Variants in SYT9 observed in about 807,000 individuals in gnomAD.
The protein encoded by SYT9 is synaptotagmin-9.
SYT9 carries 22 observed loss-of-function variants against 48.4 expected under a neutral mutation model. The observed-to-expected ratio is 0.45, with a 90% CI of 0.32 to 0.65. The LOEUF (loss-of-function observed/expected upper bound fraction) is 0.65, where lower values mean the gene tolerates loss of function less well. SYT9 is among the 30% of genes least tolerant of loss of function. SYT9 has a pLI of 0.03. For missense variants in SYT9, 577 were observed against 622.0 expected (o/e 0.93, Z 0.77); for synonymous variants, 265 against 245.0 (o/e 1.08, Z -0.76).
chr11:7,392,422 G>A (rs572411249), intron 3 of SYT9, among the ~76,000 whole-genome samples: 10 of 151,938 alleles, frequency 6.6e-5, no homozygotes, highest in Non-Finnish European at 1.0e-4. Flanking sequence ...TAGCTGTGTG[G>A]CTTTATTTAC....
At chr11:7,303,455 A>G (rs1037329661) in intron 2 of SYT9, 65 bp downstream of exon 2, 3 of 1,335,384 alleles carry the variant, frequency 2.2e-6, no homozygotes, top group South Asian at 2.8e-5. Flanking sequence ...TCTGGCAACA[A>G]TAGCACTGAT....
intron 1 of SYT9, among the ~76,000 whole-genome samples, chr11:7,282,972 T>C (rs1049673131): frequency 4.2e-5 from 6 of 143,322 alleles, no homozygotes; most frequent in Non-Finnish European, 7.6e-5. Flanking sequence ...GAAACAGAGA[T>C]TGAGAGAGAG....
At chr11:7,392,801 G>C (rs931321152) in intron 3 of SYT9, among the ~76,000 whole-genome samples, 1 of 152,058 alleles carries the variant, frequency 6.6e-6, no homozygotes, top group African/African-American at 2.4e-5. Flanking sequence ...AGTTCTTCTT[G>C]CAGAGATTTT....
chr11:7,372,294 A>T (rs1589979580), intron 3 of SYT9, among the ~76,000 whole-genome samples: 1 of 151,728 alleles, frequency 6.6e-6, no homozygotes, highest in East Asian at 1.9e-4. Flanking sequence ...TTTTTTGCTC[A>T]TTTCTTTTCT....
intron 3 of SYT9, among the ~76,000 whole-genome samples, chr11:7,399,390 T>A (rs1846833566): frequency 6.6e-6 from 1 of 152,212 alleles, no homozygotes; most frequent in African/African-American, 2.4e-5. Flanking sequence ...CGTGAACACA[T>A]GCCACTTAAT....
At chr11:7,290,864 G>A (rs1040509363) in intron 1 of SYT9, among the ~76,000 whole-genome samples, 2 of 152,152 alleles carry the variant, frequency 1.3e-5, no homozygotes, top group Non-Finnish European at 2.9e-5. Context: ...CAGTGGAAAC[G>A]GGTGATAGTC....
chr11:7,415,451 G>A (rs1029521243), intron 3 of SYT9, among the ~76,000 whole-genome samples: 1 of 152,152 alleles, frequency 6.6e-6, no homozygotes, highest in African/African-American at 2.4e-5. Flanking sequence ...TTGGAGGTAT[G>A]CAGGAGTACA....
In SYT9 at chr11:7,253,764, T is replaced by A. The variant is rs1029650419; in HGVS notation, c.145+1433T>A. 1.2e-4 allele frequency among the ~76,000 whole-genome samples: 18 copies of A among 152,218 alleles called. No homozygotes were observed. The East Asian group carries it at 3.5e-3, about 29-fold the overall frequency. ...ATGTGCATCTCATTGCTGGATGTGA[T>A]GTGCTGAATAAACCACAGTCCCTTA... On this transcript the variant is annotated intron_variant, in intron 1 of 6. Transcript: ENST00000318881.
chr11:7,366,263 G>A (rs1367663913), intron 3 of SYT9, among the ~76,000 whole-genome samples: 5 of 152,076 alleles, frequency 3.3e-5, no homozygotes, highest in African/African-American at 4.8e-5. Flanking sequence ...CTAACCTCCC[G>A]AATTCCCAGG....
chr11:7,459,170 C>G (rs1848200653), intron 6 of SYT9, among the ~76,000 whole-genome samples: 2 of 152,204 alleles, frequency 1.3e-5, no homozygotes, highest in Admixed American at 6.5e-5. Context: ...ATTAAGTGAG[C>G]TCAGGAAGAC....
At chr11:7,370,086 T>C (rs1415414803) in intron 3 of SYT9, among the ~76,000 whole-genome samples, 1 of 152,102 alleles carries the variant, frequency 6.6e-6, no homozygotes, top group African/African-American at 2.4e-5. Context: ...AAGTCCGTTG[T>C]ATCATTCTTA....
chr11:7,406,666 G>A (rs1038035554), intron 3 of SYT9, among the ~76,000 whole-genome samples: 1 of 151,566 alleles, frequency 6.6e-6, no homozygotes, highest in African/African-American at 2.4e-5. Flanking sequence ...GCAAGTGCAG[G>A]TATCCCTCTG....
intron 3 of SYT9, among the ~76,000 whole-genome samples, chr11:7,321,847 G>T (rs1284598363): frequency 6.6e-6 from 1 of 152,216 alleles, no homozygotes; most frequent in Non-Finnish European, 1.5e-5. Context: ...CCATGGAAAG[G>T]TGGTAACTTC....
intron 2 of SYT9, among the ~76,000 whole-genome samples, chr11:7,312,355 A>G (rs1428689537): frequency 6.6e-6 from 1 of 152,192 alleles, no homozygotes; most frequent in African/African-American, 2.4e-5. Context: ...AATCCCTAAG[A>G]GACATCCCAG....
intron 6 of SYT9, among the ~76,000 whole-genome samples, chr11:7,433,568 A>T (rs570286055): frequency 1.3e-5 from 2 of 152,286 alleles, no homozygotes; most frequent in Middle Eastern, 3.4e-3. Flanking sequence ...CCCAAAATTC[A>T]TATGTTGAAA....
chr11:7,414,734 C>G (rs1847206045), intron 3 of SYT9, among the ~76,000 whole-genome samples: 1 of 152,036 alleles, frequency 6.6e-6, no homozygotes. Context: ...CCAAAGAGAT[C>G]CCTTTGCCTC....
chr11:7,369,777 C>CCACA (rs141883559), intron 3 of SYT9, among the ~76,000 whole-genome samples: 7 of 123,990 alleles, frequency 5.6e-5, no homozygotes, highest in African/African-American at 2.0e-4. Flanking sequence ...TACATACACA[C>CCACA]CACACACACA....
chr11:7,373,922 C>A (rs1850407268), intron 3 of SYT9, among the ~76,000 whole-genome samples: 1 of 151,888 alleles, frequency 6.6e-6, no homozygotes, highest in Non-Finnish European at 1.5e-5. Context: ...CTAGAGAGTT[C>A]TTTTATTATT....
Position 7,358,017 on chromosome 11 carries a change from G to GA in SYT9, c.1044+44082dup, listed in dbSNP as rs965975307. On this transcript the variant is annotated intron_variant, in intron 3 of 6. Transcript: ENST00000318881. ...TGTTAAGCAGCGGAGAATAAAAGCA[G>GA]AAAAAACACTGGCTTTTAGGACTTT... Among the ~76,000 whole-genome samples the GA allele has an allele frequency of 7.2e-5, 11 of 152,038 alleles. No individual in the cohort carries two copies. The South Asian group carries it at 1.5e-3, about 20-fold the overall frequency.
Sources: allele counts gnomAD v4.1 joint callset (sites outside exome capture counted in the v4.1 genomes callset), GRCh38; gene constraint gnomAD v4.1.1; transcripts MANE v1.5; gene names NCBI Gene and HGNC (gene_info 2026-07-23, HGNC 2026-07-21).